The following ING3 variants were observed in gnomAD, a reference collection of about 807,000 sequenced individuals.
ING3 encodes inhibitor of growth protein 3.
In ING3, 6 loss-of-function variants were observed where a neutral mutation model predicts 64.8. The observed-to-expected ratio is 0.09, with a 90% confidence interval of 0.05 to 0.18. The LOEUF (loss-of-function observed/expected upper bound fraction) is 0.18. Ranked by LOEUF, ING3 falls within the 10% of genes least tolerant of loss-of-function variation. ING3 has a pLI of 1.00. For missense variants in ING3, 310 were observed against 489.7 expected, an observed-to-expected ratio of 0.63 and a Z score of 3.46; for synonymous variants, 170 against 173.7, an observed-to-expected ratio of 0.98 and a Z score of 0.17.
chr7:120,960,057 G>A (rs911990650), intron 4 of ING3, among the ~76,000 whole-genome samples: 3 of 152,212 alleles, frequency 2.0e-5, no homozygotes, highest in African/African-American at 7.2e-5. Context: ...AATAACTGGC[G>A]AAGGCTGTTA....
intron 7 of ING3, 52 bp from the exon 8 acceptor site, chr7:120,967,882 C>T: frequency 6.4e-7 from 1 of 1,567,348 alleles, no homozygotes. Context: ...TTTAGACTCA[C>T]TAACATTATG....
intron 6 of ING3, 142 bp from the exon 7 acceptor site, chr7:120,967,387 T>TG: frequency 2.0e-6 from 1 of 512,356 alleles, no homozygotes; most frequent in Non-Finnish European, 3.3e-6. Context: ...CTGCTTGTCC[T>TG]GCCTTCTGAG....
intron 4 of ING3, 35 bp from the exon 5 acceptor site, chr7:120,964,707 A>G (rs1201503102): frequency 1.3e-6 from 2 of 1,579,004 alleles, no homozygotes; most frequent in Admixed American, 3.3e-5. Flanking sequence ...AGTGTCCCAA[A>G]TTTTGGTGGT....
chr7:120,955,303 A>G (rs866004528), intron 3 of ING3, among the ~76,000 whole-genome samples: 20 of 152,024 alleles, frequency 1.3e-4, no homozygotes, highest in Non-Finnish European at 2.4e-4. Context: ...TAATTTTTGT[A>G]TTTTTAGTAG....
At chr7:120,973,056 G>A in intron 10 of ING3, 149 bp from the exon 11 acceptor site, 1 of 495,750 alleles carries the variant, frequency 2.0e-6, no homozygotes, top group South Asian at 2.4e-5. Flanking sequence ...AGTATTTCAG[G>A]AAAAAATTAT....
At chr7:120,951,817 T>C (rs1253380125) in intron 2 of ING3, among the ~76,000 whole-genome samples, 1 of 152,246 alleles carries the variant, frequency 6.6e-6, no homozygotes, top group Non-Finnish European at 1.5e-5. Flanking sequence ...TCTTATGTGC[T>C]GTACTAAAAA....
rs571360932 is a variant in ING3, at chr7:120,970,063, C to T, written c.909-625C>T. Among the ~76,000 whole-genome samples, 490 of 152,294 alleles carry T rather than the reference C, an allele frequency of 3.2e-3. 4 individuals are homozygous for T. Among genetic ancestry groups the T allele is most frequent in the Middle Eastern group, 6.8e-3 (2 of 294 alleles). On this transcript the variant is annotated intron_variant, in intron 9 of 11. Coordinates refer to ENST00000315870, the MANE Select transcript of ING3 (RefSeq NM_019071.3). ...TACAGTCTTGGTTCCCTGCCATACT[C>T]ATGGTAGGTATTCACACATCAGTTG...
chr7:120,950,825 A>G lies in ING3; in HGVS notation c.-72A>G, dbSNP rs1285971912. The G allele has an allele frequency of 8.0e-5, 124 of 1,541,722 alleles. No individual in the cohort carries two copies. The highest frequency in any genetic ancestry group is 1.1e-4 in the Non-Finnish European group (121 of 1,126,918). On this transcript the variant is annotated 5_prime_UTR_variant, in exon 1 of 12. Coordinates refer to ENST00000315870, the MANE Select transcript of ING3 (RefSeq NM_019071.3). ...GCGGAGGCGCCATATTGGAGGGGACAAAACTCCGGCGACAGCGAGTGACAC... is the reference window on the plus strand; with the variant it reads ...GCGGAGGCGCCATATTGGAGGGGACGAAACTCCGGCGACAGCGAGTGACAC...
At chr7:120,972,502 G>C (rs1796082315) in intron 10 of ING3, among the ~76,000 whole-genome samples, 1 of 152,126 alleles carries the variant, frequency 6.6e-6, no homozygotes, top group East Asian at 1.9e-4. Context: ...ACTGAACCTA[G>C]AGTTTTCCTC....
At chr7:120,969,279 C>A in intron 9 of ING3, 75 bp downstream of exon 9, 1 of 1,184,136 alleles carries the variant, frequency 8.4e-7, no homozygotes. Flanking sequence ...CCAGGCCTCT[C>A]TATGTTAAAG....
chr7:120,962,508 A>G (rs1313266139), intron 4 of ING3, among the ~76,000 whole-genome samples: 1 of 151,912 alleles, frequency 6.6e-6, no homozygotes, highest in East Asian at 1.9e-4. Flanking sequence ...TATCAATAAT[A>G]TATTTAATAA....
At chr7:120,956,090 A>G (rs1795842043) in intron 4 of ING3, 2 of 982,450 alleles carry the variant, frequency 2.0e-6, no homozygotes, top group Non-Finnish European at 3.3e-6. Flanking sequence ...AAAAGATCGT[A>G]TGTAACAGCT....
chr7:120,964,358 G>A (rs1180907159), intron 4 of ING3, among the ~76,000 whole-genome samples: 1 of 152,084 alleles, frequency 6.6e-6, no homozygotes, highest in Non-Finnish European at 1.5e-5. Flanking sequence ...TTATAAGCAG[G>A]AGGAGATTAG....
chr7:120,971,981 G>A (rs1251272668), intron 10 of ING3, among the ~76,000 whole-genome samples: 5 of 151,990 alleles, frequency 3.3e-5, no homozygotes, highest in African/African-American at 1.2e-4. Context: ...AAATACACTA[G>A]TATTATTGAA....
rs1019429005 is a variant in ING3 at position 120,975,887 on chromosome 7, A to G, written c.*1043A>G. ...AAGAACATCATCTGGCTTTTCCTTC[A>G]GTCTAAAAGACATGAAAGAAGTGTA... On this transcript the variant is annotated 3_prime_UTR_variant, in exon 12 of 12. Transcript: ENST00000315870. The G allele has an allele frequency of 6.6e-6, 1 of 152,202 alleles. No homozygotes were observed. The highest frequency in any genetic ancestry group is 2.1e-4 in the South Asian group (1 of 4,832). The allele number at this position is 152,202 out of a possible 1,614,324, so 9.4% of individuals were successfully genotyped here.
chr7:120,974,920 G>C lies in ING3; in HGVS notation c.*76G>C. The C allele has an allele frequency of 1.9e-6, 2 of 1,041,226 alleles. No homozygotes were observed. The highest frequency in any genetic ancestry group is 2.8e-6 in the Non-Finnish European group (2 of 705,840). The allele number at this position is 1,041,226 out of a possible 1,614,324, so 64.5% of individuals were successfully genotyped here. A position where few individuals can be genotyped will look rare whatever the true frequency, so the allele number is the denominator to read the frequency against. ...ATAGGACTTTAAAAAGAAGAGAAGA[G>C]AAAGAAGAAACAATGCATTTCCAGG... On this transcript the variant is annotated 3_prime_UTR_variant, in exon 12 of 12. Transcript: ENST00000315870.
chr7:120,965,555 A>G (rs1006844196), intron 5 of ING3, among the ~76,000 whole-genome samples: 3 of 152,212 alleles, frequency 2.0e-5, no homozygotes, highest in African/African-American at 7.2e-5. Context: ...GAACCAAATT[A>G]ATATTATGGC....
chr7:120,955,564 C>T lies in ING3; in HGVS notation c.207C>T (p.Tyr69=). ...ATGAAAATGTTTTCATTCAGGACTA[C>T]TATAAAGCTTTGGAAGATGCAGATG... ...EEQMASIKKD[Y]YKALEDADEK... The change falls in exon 4 of 12, where the codon TAC becomes TAT. Residue 69 remains tyrosine, a synonymous_variant. Transcript: ENST00000315870. 1.2e-6 allele frequency: 2 copies of T among 1,606,268 alleles called. No individual in the cohort carries two copies. Among genetic ancestry groups the T allele is most frequent in the East Asian group, 2.2e-5 (1 of 44,778 alleles).
rs534089483 is a variant in ING3, at chr7:120,964,161, G to C, written c.268-581G>C. ...AAATAATTTTAACCAGATCCTTTGA[G>C]GAATGGAGTTTTCTGGCTAACAATC... is the stretch of plus-strand genomic sequence containing the variant. On this transcript the variant is annotated intron_variant, in intron 4 of 11. Transcript: ENST00000315870. 1.6e-4 allele frequency among the ~76,000 whole-genome samples: 24 copies of C among 152,162 alleles called. No homozygotes were observed. In the South Asian group the frequency reaches 4.4e-3, roughly 28 times the overall value.
Sources: allele counts gnomAD v4.1 joint callset (sites outside exome capture counted in the v4.1 genomes callset), GRCh38; gene constraint gnomAD v4.1.1; transcripts MANE v1.5; gene names NCBI Gene and HGNC (gene_info 2026-07-23, HGNC 2026-07-21).